Variants in ARMC8 observed in about 807,000 individuals in gnomAD.
ARMC8 encodes the protein armadillo repeat-containing protein 8.
A neutral mutation model predicts 99.3 loss-of-function variants in ARMC8; 20 were observed. The ratio of observed to expected loss-of-function variants is 0.20; its 90% confidence interval spans 0.14 to 0.29. The LOEUF (loss-of-function observed/expected upper bound fraction) is 0.29. Ranked by LOEUF, ARMC8 falls within the 10% of genes least tolerant of loss-of-function variation. The probability of loss-of-function intolerance (pLI) is 1.00; values close to 1 mark genes in which losing one functional copy is unlikely to be tolerated. For synonymous variants in ARMC8, 263 were observed against 278.3 expected (o/e 0.95, Z 0.55); for missense variants, 569 against 809.5 (o/e 0.70, Z 3.60).
At chr3:138,203,930 A>G (rs1004124286) in intron 1 of ARMC8, among the ~76,000 whole-genome samples, 11 of 152,194 alleles carry the variant, frequency 7.2e-5, no homozygotes, top group African/African-American at 2.7e-4. Flanking sequence ...TTTCCTGTCA[A>G]ATTTATAATC....
intron 12 of ARMC8, among the ~76,000 whole-genome samples, chr3:138,258,980 T>C (rs1366838166): frequency 1.3e-5 from 2 of 152,202 alleles, no homozygotes; most frequent in African/African-American, 4.8e-5. Flanking sequence ...CCACAGGGCA[T>C]ATTTGCTGAG....
intron 20 of ARMC8, 39 bp downstream of exon 20, chr3:138,289,159 G>T: frequency 6.6e-7 from 1 of 1,524,150 alleles, no homozygotes. Flanking sequence ...AAAAATTATG[G>T]GAAGAGTGTC....
intron 18 of ARMC8, among the ~76,000 whole-genome samples, chr3:138,281,268 A>G (rs748043815): frequency 2.7e-5 from 4 of 149,276 alleles, no homozygotes; most frequent in Admixed American, 6.7e-5. Flanking sequence ...CACATATTCA[A>G]TGAGTTGGCC....
chr3:138,258,305 C>A (rs1160660478), intron 12 of ARMC8, among the ~76,000 whole-genome samples: 2 of 152,154 alleles, frequency 1.3e-5, no homozygotes, highest in African/African-American at 4.8e-5. Context: ...TTTCTAGTAT[C>A]AAGAATGTTT....
chr3:138,188,325 T>G, intron 1 of ARMC8: 1 of 1,239,552 alleles, frequency 8.1e-7, no homozygotes, highest in Non-Finnish European at 1.1e-6. Flanking sequence ...GTGAGATTTA[T>G]TTCCCCATTG....
intron 21 of ARMC8, among the ~76,000 whole-genome samples, chr3:138,293,888 T>C (rs2051220708): frequency 6.6e-6 from 1 of 152,218 alleles, no homozygotes. Context: ...ACCACTCTGG[T>C]GCTGTTTTCA....
intron 17 of ARMC8, among the ~76,000 whole-genome samples, chr3:138,273,550 T>G (rs1218372068): frequency 6.6e-6 from 1 of 152,166 alleles, no homozygotes; most frequent in Non-Finnish European, 1.5e-5. Flanking sequence ...GATTGACCTC[T>G]GAAGATGCCA....
At position 138,236,744 on chromosome 3, in the gene ARMC8, A is replaced by T. The variant is rs545150658; in HGVS notation, c.610-565A>T. Among the ~76,000 whole-genome samples, 216 of 152,274 alleles carry T rather than the reference A, an allele frequency of 1.4e-3. 1 individual carries two copies. The highest frequency in any genetic ancestry group is 4.9e-3 in the African/African-American group (204 of 41,546). ...TTAGAATGGAAAGAATTAAAAAAAA[A>T]AAAAACATCTCTTAGGAGCTTCTGG... On this transcript the variant is annotated intron_variant, in intron 7 of 21. Coordinates refer to ENST00000469044, the MANE Select transcript of ARMC8 (RefSeq NM_001363941.2).
At chr3:138,234,874 CAG>C (rs2046250091) in intron 6 of ARMC8, among the ~76,000 whole-genome samples, 158 bp from the exon 7 acceptor site, 2 of 152,266 alleles carry the variant, frequency 1.3e-5, no homozygotes, top group South Asian at 2.1e-4. Flanking sequence ...GGACTAAACA[CAG>C]TGTTTGTGCT....
At chr3:138,274,335 A>G (rs1035118045) in intron 17 of ARMC8, 114 bp from the exon 18 acceptor site, 10 of 681,410 alleles carry the variant, frequency 1.5e-5, no homozygotes, top group African/African-American at 3.6e-5. Flanking sequence ...TCTATATGCT[A>G]TAGTGTTTTG....
rs775005987 is a variant in ARMC8, at chr3:138,284,517, G to A, written c.1812G>A (p.Lys604=). ...ATGATGATATCCTACAGAAAATCAA[G>A]TATTACATGGTGAGCCCTTGTCCCC... ...MTNDDILQKI[K]YYMGHSHVKL... is the part of the protein sequence containing the mutation. Residue 604 remains lysine, a synonymous_variant, in exon 19 of 22, where the codon AAG becomes AAA. Transcript: ENST00000469044. 21 of 1,609,410 alleles carry A rather than the reference G, an allele frequency of 1.3e-5. No homozygotes were observed. In the Admixed American group the frequency reaches 2.2e-4, roughly 17 times the overall value.
chr3:138,270,452 A>G (rs77826404), intron 16 of ARMC8, among the ~76,000 whole-genome samples: 310 of 152,382 alleles, frequency 2.0e-3, no homozygotes, highest in African/African-American at 7.1e-3. Flanking sequence ...TACTTTACAA[A>G]GCACTTTCAT....
intron 19 of ARMC8, among the ~76,000 whole-genome samples, chr3:138,287,011 C>G (rs2050495069): frequency 6.6e-6 from 1 of 152,198 alleles, no homozygotes; most frequent in African/African-American, 2.4e-5. Context: ...CCAATTACTC[C>G]TTTTCATCAC....
At chr3:138,217,119 G>A (rs2045096021) in intron 2 of ARMC8, among the ~76,000 whole-genome samples, 1 of 151,958 alleles carries the variant, frequency 6.6e-6, no homozygotes, top group Admixed American at 6.6e-5. Flanking sequence ...CCATCTAGTT[G>A]GTGTAAGTAC....
At chr3:138,255,625 G>A (rs1366551802) in intron 12 of ARMC8, among the ~76,000 whole-genome samples, 8 of 152,156 alleles carry the variant, frequency 5.3e-5, no homozygotes, top group African/African-American at 9.7e-5. Context: ...TGAGACCCCA[G>A]AATGTAATAT....
intron 11 of ARMC8, among the ~76,000 whole-genome samples, chr3:138,242,612 A>G (rs925829797): frequency 1.3e-5 from 2 of 152,158 alleles, no homozygotes; most frequent in Non-Finnish European, 2.9e-5. Flanking sequence ...AGCATAGGAG[A>G]TGAACATTCT....
chr3:138,256,612 G>A (rs916944111), intron 12 of ARMC8, among the ~76,000 whole-genome samples: 21 of 151,538 alleles, frequency 1.4e-4, no homozygotes, highest in Non-Finnish European at 2.4e-4. Context: ...GGGTTTCACC[G>A]TGTTAGCCAG....
At chr3:138,210,073 A>G (rs2044608403) in intron 2 of ARMC8, among the ~76,000 whole-genome samples, 180 bp downstream of exon 2, 1 of 152,212 alleles carries the variant, frequency 6.6e-6, no homozygotes, top group Non-Finnish European at 1.5e-5. Flanking sequence ...TTGTCTTTTG[A>G]ATAGTTGTTA....
rs966695698 is a variant in ARMC8 at position 138,297,834 on chromosome 3, A to C, written c.*1942A>C. 1 of 152,234 alleles carries C rather than the reference A, an allele frequency of 6.6e-6. No homozygotes were observed. The highest frequency in any genetic ancestry group is 2.4e-5 in the African/African-American group (1 of 41,456). The allele number at this position is 152,234 out of a possible 1,614,324, so 9.4% of individuals were successfully genotyped here. ...TATCCTTGGTTGGCATTTTTAACACAAAACACTATAGTGTTGGTATTAAAT... is the reference window on the plus strand; with the variant it reads ...TATCCTTGGTTGGCATTTTTAACACCAAACACTATAGTGTTGGTATTAAAT... On this transcript the variant is annotated 3_prime_UTR_variant, in exon 22 of 22. Transcript: ENST00000469044.
Sources: gnomAD v4.1 joint callset for allele counts (sites outside exome capture counted in the v4.1 genomes callset) on GRCh38, gnomAD v4.1.1 for gene constraint, MANE v1.5 for transcripts, NCBI Gene and HGNC (gene_info 2026-07-23, HGNC 2026-07-21) for gene names.